Variants in NIPSNAP3B observed in about 807,000 individuals in gnomAD.
NIPSNAP3B encodes nipsnap homolog 3B.
Under a neutral mutation model 31.5 loss-of-function variants are expected in NIPSNAP3B, and 30 were observed. The observed-to-expected ratio is 0.95, with a 90% CI of 0.71 to 1.29. The LOEUF is 1.29. NIPSNAP3B is among the 50% of genes most tolerant of loss of function. The probability of loss-of-function intolerance (pLI) is 0.00; values close to 1 mark genes in which losing one functional copy is unlikely to be tolerated. For synonymous variants in NIPSNAP3B, 106 were observed against 107.9 expected, an observed-to-expected ratio of 0.98 and a Z score of 0.11; for missense variants, 269 against 300.7, an observed-to-expected ratio of 0.89 and a Z score of 0.78.
At position 104,764,164 on chromosome 9, in the gene NIPSNAP3B, T is replaced by C; in HGVS notation, c.-77T>C. On this transcript the variant is annotated 5_prime_UTR_variant, in exon 1 of 6. Coordinates refer to ENST00000374762, the MANE Select transcript of NIPSNAP3B (RefSeq NM_018376.4). ...TTCGCCAGTGGTCCAGGAGCCGCTT[T>C]TTTCCACTCGGGAAGACTTCAGAGA... 7.0e-7 allele frequency: 1 copy of C among 1,429,086 alleles called. No individual in the cohort carries two copies. The allele number at this position is 1,429,086 out of a possible 1,614,324, so 88.5% of individuals were successfully genotyped here. A position where few individuals can be genotyped will look rare whatever the true frequency, so the allele number is the denominator to read the frequency against.
intron 4 of NIPSNAP3B, among the ~76,000 whole-genome samples, chr9:104,772,406 A>G (rs1243312174): frequency 6.6e-6 from 1 of 152,060 alleles, no homozygotes; most frequent in Non-Finnish European, 1.5e-5. Flanking sequence ...TTGGTTTACT[A>G]ATTTTTTTTA....
chr9:104,786,833 A>G, the NIPSNAP3B span: 2 of 1,543,472 alleles, frequency 1.3e-6, no homozygotes, highest in African/African-American at 2.7e-5. Context: ...TGGAAAGTTA[A>G]AACATCCCAC....
At chr9:104,771,839 C>G (rs1163257355) in intron 4 of NIPSNAP3B, among the ~76,000 whole-genome samples, 1 of 152,146 alleles carries the variant, frequency 6.6e-6, no homozygotes, top group African/African-American at 2.4e-5. Context: ...ATTTACACTC[C>G]CACCAACAGG....
At chr9:104,782,397 C>T (rs1828595399), downstream of NIPSNAP3B, 1 of 152,034 alleles carries the variant, frequency 6.6e-6, no homozygotes, top group East Asian at 1.9e-4. Context: ...AGTCTTACAC[C>T]TTTAGCGTTA....
chr9:104,789,078 G>A, the NIPSNAP3B span, among the ~76,000 whole-genome samples: 1 of 152,206 alleles, frequency 6.6e-6, no homozygotes, highest in Non-Finnish European at 1.5e-5. Context: ...GAGAAGTTCA[G>A]TGTTCACGTT....
intron 1 of NIPSNAP3B, among the ~76,000 whole-genome samples, chr9:104,764,664 G>C (rs910541336): frequency 6.6e-6 from 1 of 152,076 alleles, no homozygotes; most frequent in Non-Finnish European, 1.5e-5. Context: ...CTCATCCTCC[G>C]GAGTAGGTGG....
chr9:104,789,892 G>A, the NIPSNAP3B span, among the ~76,000 whole-genome samples: 5 of 152,090 alleles, frequency 3.3e-5, no homozygotes, highest in South Asian at 2.1e-4. Context: ...TCAGGAGCTC[G>A]AGACCAGTCT....
At chr9:104,780,716 TAC>T (rs1363009418), downstream of NIPSNAP3B, among the ~76,000 whole-genome samples, 3 of 152,232 alleles carry the variant, frequency 2.0e-5, no homozygotes, top group Admixed American at 1.3e-4. Context: ...TAAGCTCAGC[TAC>T]AGAGCATTTT....
chr9:104,782,145 A>G (rs1828582799), downstream of NIPSNAP3B: 1 of 152,152 alleles, frequency 6.6e-6, no homozygotes, highest in Non-Finnish European at 1.5e-5. Context: ...TGAGGAAACC[A>G]TAACTTTGAT....
At chr9:104,770,659 T>G (rs1828195442) in intron 3 of NIPSNAP3B, among the ~76,000 whole-genome samples, 190 bp from the exon 4 acceptor site, 1 of 152,132 alleles carries the variant, frequency 6.6e-6, no homozygotes, top group African/African-American at 2.4e-5. Context: ...CCCTTAAACA[T>G]GGACAAAGAC....
At chr9:104,768,718 ATATATT>A (rs1344336895) in intron 2 of NIPSNAP3B, 139 bp from the exon 3 acceptor site, 2 of 610,292 alleles carry the variant, frequency 3.3e-6, no homozygotes, top group Non-Finnish European at 5.6e-6. Flanking sequence ...CAGTTGTCAC[ATATATT>A]TATGTTGGCA....
chr9:104,786,983 T>C, the NIPSNAP3B span: 1 of 1,611,178 alleles, frequency 6.2e-7, no homozygotes, highest in Non-Finnish European at 8.5e-7. Flanking sequence ...CATCCTGTAA[T>C]TAGAATAAAA....
chr9:104,786,906 T>A, the NIPSNAP3B span: 1 of 1,613,932 alleles, frequency 6.2e-7, no homozygotes, highest in Admixed American at 1.7e-5. Flanking sequence ...TCTCCCCTCC[T>A]TGACAACACT....
At chr9:104,771,444 C>T (rs1828216048) in intron 4 of NIPSNAP3B, 1 of 153,988 alleles carries the variant, frequency 6.5e-6, no homozygotes. Context: ...ATTTAGCTCC[C>T]GTTTATAAGT....
At chr9:104,786,760 A>C in the NIPSNAP3B span, 1 of 1,007,378 alleles carries the variant, frequency 9.9e-7, no homozygotes, top group South Asian at 1.3e-5. Context: ...TTCAGGTAAT[A>C]ATTGTTTTAC....
chr9:104,774,091 A>T lies in NIPSNAP3B; in HGVS notation c.*1018A>T, dbSNP rs1301514213. ...TCTACCTACTAAAACTAGATTTGGTACTTCCGATAGTGTATATTTACAGCT... is the reference window on the plus strand; with the variant it reads ...TCTACCTACTAAAACTAGATTTGGTTCTTCCGATAGTGTATATTTACAGCT... On this transcript the variant is annotated 3_prime_UTR_variant, in exon 6 of 6. Transcript: ENST00000374762. The T allele has an allele frequency of 1.3e-5, 2 of 152,174 alleles. No individual in the cohort carries two copies. The highest frequency in any genetic ancestry group is 2.9e-5 in the Non-Finnish European group (2 of 68,034). 9.4% of individuals were successfully genotyped at this position (152,174 alleles called of 1,614,324 possible).
intron 2 of NIPSNAP3B, among the ~76,000 whole-genome samples, chr9:104,767,131 C>G (rs1828106176): frequency 6.6e-6 from 1 of 151,854 alleles, no homozygotes; most frequent in African/African-American, 2.4e-5. Flanking sequence ...AATAATTCAC[C>G]CATTTGGGAG....
the NIPSNAP3B span, chr9:104,788,528 G>T: frequency 2.5e-6 from 4 of 1,614,176 alleles, no homozygotes; most frequent in South Asian, 4.4e-5. Flanking sequence ...GAGGGCAGTA[G>T]CCCATGTTCT....
In NIPSNAP3B at chr9:104,777,622, T is replaced by C. The variant is rs1828363962; in HGVS notation, c.*4549T>C. Among the ~76,000 whole-genome samples, 1 of 152,184 alleles carries C rather than the reference T, an allele frequency of 6.6e-6. No homozygotes were observed. Among genetic ancestry groups the C allele is most frequent in the Admixed American group, 6.5e-5 (1 of 15,280 alleles). On this transcript the variant is annotated 3_prime_UTR_variant, in exon 6 of 6. Transcript: ENST00000374762. ...TGGTGGTCATGAACCACCCAGAGTG[T>C]GTACAAGGCTCCTGCCAGAAGAAAT...
Sources: allele counts gnomAD v4.1 joint callset (sites outside exome capture counted in the v4.1 genomes callset), GRCh38; gene constraint gnomAD v4.1.1; transcripts MANE v1.5; gene names NCBI Gene and HGNC (gene_info 2026-07-23, HGNC 2026-07-21).